The following NR2F2 variants were observed in gnomAD, a reference collection of about 807,000 sequenced individuals.
The protein encoded by NR2F2 is nuclear receptor subfamily 2 group F member 2.
A neutral mutation model predicts 34.8 loss-of-function variants in NR2F2; 2 were observed. The ratio of observed to expected loss-of-function variants is 0.06; its 90% CI spans 0.02 to 0.18. The LOEUF (loss-of-function observed/expected upper bound fraction) is 0.18, where lower values mean the gene tolerates loss of function less well. Ranked by LOEUF, NR2F2 falls within the 10% of genes least tolerant of loss-of-function variation. The probability of loss-of-function intolerance (pLI) is 1.00; values close to 1 mark genes in which losing one functional copy is unlikely to be tolerated. For missense variants in NR2F2, 300 were observed against 580.1 expected (o/e 0.52, Z 4.96); for synonymous variants, 274 against 251.8 (o/e 1.09, Z -0.84).
At chr15:96,327,687 C>G (rs1567135766), upstream of NR2F2, among the ~76,000 whole-genome samples, 1 of 152,202 alleles carries the variant, frequency 6.6e-6, no homozygotes, top group Non-Finnish European at 1.5e-5. Flanking sequence ...TTCAATGAAT[C>G]CTGGAGGACG....
At position 96,331,450 on chromosome 15, in the gene NR2F2, C is replaced by A. The variant is rs73471290; in HGVS notation, c.-656C>A. 0.025 allele frequency: 30,843 copies of A among 1,231,216 alleles called. 5,956 individuals carry two copies. In the African/African-American group the frequency reaches 0.42, roughly 17 times the overall value. The allele number at this position is 1,231,216 out of a possible 1,614,324, so 76.3% of individuals were successfully genotyped here. A position where few individuals can be genotyped will look rare whatever the true frequency, so the allele number is the denominator to read the frequency against. Reference sequence around the variant, plus strand: ...TGGGCGCGCCCGCACCCGGCGCCTCCGATCTCCTAGTCCTCCTGATTTCGA... The same window carrying A: ...TGGGCGCGCCCGCACCCGGCGCCTCAGATCTCCTAGTCCTCCTGATTTCGA... On this transcript the variant is annotated 5_prime_UTR_variant, in exon 1 of 3. Coordinates refer to ENST00000394166, the MANE Select transcript of NR2F2 (RefSeq NM_021005.4).
rs1204342571 is a variant in NR2F2, at chr15:96,338,838, C to G, written c.*1216C>G. Reference sequence around the variant, plus strand: ...AAACCTGGCTGTCCCCACTCACTGTCTTTACATCTAGAAGAGCCCCTGTGA... The same window carrying G: ...AAACCTGGCTGTCCCCACTCACTGTGTTTACATCTAGAAGAGCCCCTGTGA... On this transcript the variant is annotated 3_prime_UTR_variant, in exon 3 of 3. Transcript: ENST00000394166. 2.2e-5 allele frequency: 3 copies of G among 135,606 alleles called. No individual in the cohort carries two copies. The highest frequency in any genetic ancestry group is 5.6e-5 in the African/African-American group (2 of 35,442). The allele number at this position is 135,606 out of a possible 1,614,324, so 8.4% of individuals were successfully genotyped here.
At position 96,332,331 on chromosome 15, in the gene NR2F2, C is replaced by T; in HGVS notation, c.226C>T (p.His76Tyr). ...TAGCGACAAGCAGCAGCAGCAGCAA[C>T]ACATCGAGTGCGTGGTGTGCGGAGA... is the stretch of plus-strand genomic sequence containing the variant. ...PGSDKQQQQQ[H>Y]IECVVCGDKS... The change falls in exon 1 of 3, where the codon CAC becomes TAC. Residue 76 changes from histidine (H) to tyrosine (Y), a missense_variant. Physicochemically the swap from His to Tyr is moderately conservative, Grantham distance 83. Coordinates refer to ENST00000394166, the MANE Select transcript of NR2F2 (RefSeq NM_021005.4). 1 of 1,602,670 alleles carries T rather than the reference C, an allele frequency of 6.2e-7. No individual in the cohort carries two copies. The highest frequency in any genetic ancestry group is 8.5e-7 in the Non-Finnish European group (1 of 1,174,640).
chr15:96,331,751 CCCCT>C lies in NR2F2; in HGVS notation c.-349_-346del. On this transcript the variant is annotated 5_prime_UTR_variant, in exon 1 of 3. Transcript: ENST00000394166. ...CAGACAATCGACTTCAGCTCTCCCTCCCCTCCCTCTTTCTCCACGTTCTGCTCCC... is the reference window on the plus strand; with the variant it reads ...CAGACAATCGACTTCAGCTCTCCCTCCCCTCTTTCTCCACGTTCTGCTCCC... The C allele has an allele frequency of 1.9e-6, 2 of 1,079,692 alleles. No homozygotes were observed. Among genetic ancestry groups the C allele is most frequent in the South Asian group, 9.7e-5 (2 of 20,682 alleles). The allele number at this position is 1,079,692 out of a possible 1,614,324, so 66.9% of individuals were successfully genotyped here. A position where few individuals can be genotyped will look rare whatever the true frequency, so the allele number is the denominator to read the frequency against.
intron 1 of NR2F2, chr15:96,333,671 C>G: frequency 1.8e-6 from 2 of 1,100,178 alleles, no homozygotes; most frequent in Non-Finnish European, 2.2e-6. Flanking sequence ...TGCAAAAGCG[C>G]CTCACCCTCC....
Position 96,334,428 on chromosome 15 carries a change from C to G in NR2F2, c.795C>G (p.His265Gln), listed in dbSNP as rs757765199. Residue 265 changes from histidine (H) to glutamine (Q), a missense_variant, in exon 2 of 3, where the codon CAC becomes CAG. Transcript: ENST00000394166. ...LNAAQCSMPL[H>Q]VAPLLAAAGL... ...CGGCGCAGTGCTCCATGCCCCTCCA[C>G]GTCGCCCCGCTCCTGGCCGCCGCCG... 9 of 1,613,914 alleles carry G rather than the reference C, an allele frequency of 5.6e-6. No individual in the cohort carries two copies. The highest frequency in any genetic ancestry group is 6.8e-6 in the Non-Finnish European group (8 of 1,179,958).
rs935924408 is a variant in NR2F2, at chr15:96,332,510, C to T, written c.405C>T (p.Arg135=). 1 of 1,613,478 alleles carries T rather than the reference C, an allele frequency of 6.2e-7. No homozygotes were observed. ...QHHRNQCQYC[R]LKKCLKVGMR... ...ATCGCAACCAGTGCCAGTACTGCCG[C>T]CTCAAAAAGTGCCTCAAAGTGGGCA... The change falls in exon 1 of 3, where the codon CGC becomes CGT. Residue 135 remains arginine (R), a synonymous_variant. Coordinates refer to ENST00000394166, the MANE Select transcript of NR2F2 (RefSeq NM_021005.4).
intron 1 of NR2F2, among the ~76,000 whole-genome samples, chr15:96,332,910 C>T (rs1450094269): frequency 6.7e-6 from 1 of 148,546 alleles, no homozygotes; most frequent in Admixed American, 6.7e-5. Context: ...ATGTCCCTCC[C>T]CCTCACCCCT....
At chr15:96,335,120 T>C (rs2001191) in intron 2 of NR2F2, among the ~76,000 whole-genome samples, 38,975 of 152,212 alleles carry the variant, frequency 0.26, 5,421 homozygotes, top group East Asian at 0.58. Context: ...TTCAAAATCA[T>C]ATTCTTACTG....
In NR2F2 at chr15:96,333,759, G is replaced by A. The variant is rs1475276885; in HGVS notation, c.443-317G>A. The A allele has an allele frequency of 7.5e-6, 10 of 1,340,146 alleles. No individual in the cohort carries two copies. The South Asian group carries it at 1.6e-4, about 21-fold the overall frequency. 83.0% of individuals were successfully genotyped at this position (1,340,146 alleles called of 1,614,324 possible). A position where few individuals can be genotyped will look rare whatever the true frequency, so the allele number is the denominator to read the frequency against. On this transcript the variant is annotated intron_variant, in intron 1 of 2. Coordinates refer to ENST00000394166, the MANE Select transcript of NR2F2 (RefSeq NM_021005.4). ...CTGTTTAGCAGTAAAGAAGAAAGAT[G>A]CCCTCAGAATGCTACATCCCGCCCA...
Position 96,339,281 on chromosome 15 carries a change from G to A in NR2F2, c.*1659G>A, listed in dbSNP as rs1468608243. 6.6e-6 allele frequency: 1 copy of A among 152,146 alleles called. No homozygotes were observed. Among genetic ancestry groups the A allele is most frequent in the East Asian group, 1.9e-4 (1 of 5,202 alleles). 9.4% of individuals were successfully genotyped at this position (152,146 alleles called of 1,614,324 possible). ...AGCTAATCACAGCATTGTAACTAGA[G>A]GACAGTTGTTTGCAGTGAGTTTTTC... On this transcript the variant is annotated 3_prime_UTR_variant, in exon 3 of 3. Transcript: ENST00000394166.
chr15:96,336,395 A>C (rs918115114), intron 2 of NR2F2, among the ~76,000 whole-genome samples: 6 of 152,108 alleles, frequency 3.9e-5, no homozygotes, highest in Non-Finnish European at 7.4e-5. Context: ...AGATATACAT[A>C]TGAGGAGGTT....
chr15:96,333,544 C>T, intron 1 of NR2F2: 1 of 1,008,604 alleles, frequency 9.9e-7, no homozygotes, highest in Non-Finnish European at 1.2e-6. Context: ...GACCTCCGCT[C>T]TCTGCTTGTC....
upstream of NR2F2, among the ~76,000 whole-genome samples, chr15:96,330,353 G>A (rs1286751693): frequency 1.3e-5 from 2 of 151,784 alleles, no homozygotes; most frequent in African/African-American, 4.8e-5. Flanking sequence ...GGGATGTGGG[G>A]AGAGCAGAGG....
At chr15:96,330,236 G>A (rs1399850956), upstream of NR2F2, among the ~76,000 whole-genome samples, 3 of 152,150 alleles carry the variant, frequency 2.0e-5, no homozygotes, top group Non-Finnish European at 4.4e-5. Flanking sequence ...GCCAAGTTGC[G>A]AGAGGCAAAC....
rs1267960701 is a variant in NR2F2, at chr15:96,339,729, CCT to C, written c.*2110_*2111del. On this transcript the variant is annotated 3_prime_UTR_variant, in exon 3 of 3. Coordinates refer to ENST00000394166, the MANE Select transcript of NR2F2 (RefSeq NM_021005.4). The stretch of plus-strand genomic sequence containing the variant: ...CTTTTGGAGTCTTTTTTTCATTTTT[CCT>C]CTTTCTCTTTTCCTGGTTTGGAGGA... 6.6e-6 allele frequency: 1 copy of C among 151,548 alleles called. No individual in the cohort carries two copies. The highest frequency in any genetic ancestry group is 1.5e-5 in the Non-Finnish European group (1 of 67,852). The allele number at this position is 151,548 out of a possible 1,614,324, so 9.4% of individuals were successfully genotyped here.
In NR2F2 at chr15:96,332,464, A is replaced by T; in HGVS notation, c.359A>T (p.Asn120Ile). The change falls in exon 1 of 3, where the codon AAC (asparagine) becomes ATC (isoleucine). Residue 120 changes from asparagine (N) to isoleucine (I), a missense_variant. Transcript: ENST00000394166. ...AGCTACACGTGCCGCGCCAACCGGA[A>T]CTGTCCCATCGACCAGCACCATCGC... ...NLSYTCRANRNCPIDQHHRNQ... is the reference protein window; with the variant it reads ...NLSYTCRANRICPIDQHHRNQ... The T allele has an allele frequency of 6.2e-7, 1 of 1,614,170 alleles. No individual in the cohort carries two copies. Among genetic ancestry groups the T allele is most frequent in the Non-Finnish European group, 8.5e-7 (1 of 1,180,014 alleles).
At position 96,331,208 on chromosome 15, in the gene NR2F2, C is replaced by A; in HGVS notation, c.-898C>A. ...GGCCCGGGCGGCCCGCAGGGAACGG[C>A]GAGCGGCCTCCACCCAGCGACTGCG... On this transcript the variant is annotated 5_prime_UTR_variant, in exon 1 of 3. Coordinates refer to ENST00000394166, the MANE Select transcript of NR2F2 (RefSeq NM_021005.4). 1.0e-6 allele frequency: 1 copy of A among 976,174 alleles called. No homozygotes were observed. The highest frequency in any genetic ancestry group is 1.2e-6 in the Non-Finnish European group (1 of 823,452). The allele number at this position is 976,174 out of a possible 1,614,324, so 60.5% of individuals were successfully genotyped here. A position where few individuals can be genotyped will look rare whatever the true frequency, so the allele number is the denominator to read the frequency against.
rs1899138009 is a variant in NR2F2 at position 96,331,428 on chromosome 15, G to A, written c.-678G>A. 7 of 1,231,556 alleles carry A rather than the reference G, an allele frequency of 5.7e-6. No homozygotes were observed. Among genetic ancestry groups the A allele is most frequent in the Non-Finnish European group, 7.1e-6 (7 of 988,378 alleles). 76.3% of individuals were successfully genotyped at this position (1,231,556 alleles called of 1,614,324 possible). ...CGCCCCGGCCTGCCTGGCTCCCTGG[G>A]CGCGCCCGCACCCGGCGCCTCCGAT... On this transcript the variant is annotated 5_prime_UTR_variant, in exon 1 of 3. Transcript: ENST00000394166.
Sources: allele counts gnomAD v4.1 joint callset (sites outside exome capture counted in the v4.1 genomes callset), GRCh38; gene constraint gnomAD v4.1.1; transcripts MANE v1.5; gene names NCBI Gene and HGNC (gene_info 2026-07-23, HGNC 2026-07-21).